The following PALLD variants were observed in gnomAD, a reference collection of about 807,000 sequenced individuals.
PALLD encodes the protein palladin, cytoskeletal associated protein, also known as palladin.
Under a neutral mutation model 123.5 loss-of-function variants are expected in PALLD, and 61 were observed. That is an observed-to-expected ratio of 0.49 (90% CI 0.40 to 0.61). The LOEUF (loss-of-function observed/expected upper bound fraction) is 0.61. Ranked by LOEUF, PALLD falls within the 20% of genes least tolerant of loss-of-function variation. PALLD has a pLI of 0.00. For synonymous variants in PALLD, 465 were observed against 496.4 expected, an observed-to-expected ratio of 0.94 and a Z score of 0.84; for missense variants, 1,273 against 1,377.0, an observed-to-expected ratio of 0.92 and a Z score of 1.20.
chr4:168,551,969 A>G (rs1163997583), intron 2 of PALLD, among the ~76,000 whole-genome samples: 1 of 152,188 alleles, frequency 6.6e-6, no homozygotes, highest in Non-Finnish European at 1.5e-5. Context: ...AGATAGAGGA[A>G]GCTCCCGTGA....
chr4:168,512,131 T>C lies in PALLD; in HGVS notation c.627T>C (p.Asn209=). The C allele has an allele frequency of 6.2e-7, 1 of 1,614,158 alleles. No individual in the cohort carries two copies. Residue 209 remains asparagine (N), a synonymous_variant, in exon 2 of 22, where the codon AAT becomes AAC. Transcript: ENST00000505667. ...SPDSGYLSPK[N]QPSALLSASA... ...ACAGTGGGTACCTGTCTCCTAAAAATCAGCCGTCAGCCCTGCTGAGTGCCT... is the reference window on the plus strand; with the variant it reads ...ACAGTGGGTACCTGTCTCCTAAAAACCAGCCGTCAGCCCTGCTGAGTGCCT...
At chr4:168,633,361 C>T (rs1177887595) in intron 2 of PALLD, among the ~76,000 whole-genome samples, 1 of 152,146 alleles carries the variant, frequency 6.6e-6, no homozygotes, top group Non-Finnish European at 1.5e-5. Context: ...TTACCCACCC[C>T]CAACTGAAAT....
intron 10 of PALLD, chr4:168,712,236 G>A: frequency 2.2e-6 from 1 of 459,436 alleles, no homozygotes; most frequent in East Asian, 3.9e-5. Flanking sequence ...TGGAAAAGGG[G>A]GATCTACTTT....
chr4:168,903,236 C>T lies in PALLD; in HGVS notation c.2473-521C>T, dbSNP rs1228471794. On this transcript the variant is annotated intron_variant, in intron 14 of 21. Transcript: ENST00000505667. ...ATTCCACCCATCACCAACCCTTAGT[C>T]ATCACCTCCCTCCCTACCAACCTCT... 2.6e-5 allele frequency among the ~76,000 whole-genome samples: 4 copies of T among 152,318 alleles called. No homozygotes were observed. In the East Asian group the frequency reaches 5.8e-4, roughly 22 times the overall value.
At chr4:168,753,509 G>A (rs1731350592) in intron 10 of PALLD, among the ~76,000 whole-genome samples, 1 of 152,040 alleles carries the variant, frequency 6.6e-6, no homozygotes, top group African/African-American at 2.4e-5. Context: ...TTGTCTCCTG[G>A]TATTCATGCT....
intron 2 of PALLD, among the ~76,000 whole-genome samples, chr4:168,563,658 G>T (rs1423542944): frequency 1.3e-5 from 2 of 152,130 alleles, no homozygotes; most frequent in Non-Finnish European, 2.9e-5. Flanking sequence ...TGAAAAAGTG[G>T]TAATGTTCCC....
intron 3 of PALLD, among the ~76,000 whole-genome samples, chr4:168,676,747 T>G (rs564278395): frequency 5.7e-4 from 86 of 151,328 alleles, no homozygotes; most frequent in Non-Finnish European, 1.1e-3. Context: ...TAATTTTTTT[T>G]TTTTTGTAGT....
At chr4:168,693,153 ATC>A (rs1782797697) in intron 8 of PALLD, among the ~76,000 whole-genome samples, 1 of 147,190 alleles carries the variant, frequency 6.8e-6, no homozygotes, top group Admixed American at 6.6e-5. Context: ...TCTGTTTCAC[ATC>A]TACCCTGCGC....
At chr4:168,676,571 T>C (rs1266572107) in intron 3 of PALLD, among the ~76,000 whole-genome samples, 1 of 149,278 alleles carries the variant, frequency 6.7e-6, no homozygotes, top group African/African-American at 2.4e-5. Flanking sequence ...GTATTAATTA[T>C]ATATATTTAA....
intron 2 of PALLD, among the ~76,000 whole-genome samples, chr4:168,640,199 T>A (rs907950395): frequency 2.0e-5 from 3 of 152,232 alleles, no homozygotes; most frequent in African/African-American, 4.8e-5. Flanking sequence ...GGCTGGACAC[T>A]GCTTAGCCTG....
chr4:168,711,773 C>T lies in PALLD; in HGVS notation c.1814C>T (p.Ala605Val). The T allele has an allele frequency of 6.2e-7, 1 of 1,614,146 alleles. No individual in the cohort carries two copies. Among genetic ancestry groups the T allele is most frequent in the Non-Finnish European group, 8.5e-7 (1 of 1,180,024 alleles). The change falls in exon 10 of 22, where the codon GCT becomes GTT. Residue 605 changes from alanine (A) to valine (V), a missense_variant. By Grantham distance (64) the Ala-to-Val change is moderately conservative. Around this residue, in one of 2 missense-constraint regions of PALLD, gnomAD observed 944 missense variants for 954.5 expected, o/e 0.99. Coordinates refer to ENST00000505667, the MANE Select transcript of PALLD (RefSeq NM_001166108.2). ...GCAGCCCTTCAAATGCAATTCAATG[C>T]TGCTGAGAGGGAAACGAACGGAGTC... The part of the protein sequence containing the change: ...SRAALQMQFN[A>V]AERETNGVHP...
chr4:168,911,328 A>G (rs540565656), intron 15 of PALLD, among the ~76,000 whole-genome samples: 1 of 152,336 alleles, frequency 6.6e-6, no homozygotes, highest in African/African-American at 2.4e-5. Flanking sequence ...TCTTTTTCTA[A>G]CCGCATAAAT....
In PALLD at chr4:168,902,058, ATAAT is replaced by A. The variant is rs746624544; in HGVS notation, c.2473-1697_2473-1694del. Among the ~76,000 whole-genome samples, 4 of 152,300 alleles carry A rather than the reference ATAAT, an allele frequency of 2.6e-5. No homozygotes were observed. In the East Asian group the frequency reaches 7.7e-4, roughly 29 times the overall value. On this transcript the variant is annotated intron_variant, in intron 14 of 21. Transcript: ENST00000505667. Reference sequence around the variant, plus strand: ...GAAAAGTTAGAGCAGTCATATCCTGATAATTCATCCATTTATTTAGTGCTATATA... The same window carrying A: ...GAAAAGTTAGAGCAGTCATATCCTGATCATCCATTTATTTAGTGCTATATA...
intron 2 of PALLD, among the ~76,000 whole-genome samples, chr4:168,528,640 G>A (rs1484384358): frequency 2.0e-5 from 3 of 152,110 alleles, no homozygotes; most frequent in African/African-American, 7.2e-5. Flanking sequence ...AAGACATAAC[G>A]TGACAGTAAT....
In PALLD at chr4:168,927,857, T is replaced by A. The variant is rs896808371; in HGVS notation, c.*1677T>A. ...AGTAGTATAAAACATGAGGCTTTAA[T>A]GGTACTTTGCTATGAAAAGAAAACA... On this transcript the variant is annotated 3_prime_UTR_variant, in exon 22 of 22. Coordinates refer to ENST00000505667, the MANE Select transcript of PALLD (RefSeq NM_001166108.2). 9 of 212,020 alleles carry A rather than the reference T, an allele frequency of 4.2e-5. No individual in the cohort carries two copies. The highest frequency in any genetic ancestry group is 2.0e-4 in the African/African-American group (9 of 44,248). 13.1% of individuals were successfully genotyped at this position (212,020 alleles called of 1,614,324 possible). A position where few individuals can be genotyped will look rare whatever the true frequency, so the allele number is the denominator to read the frequency against.
chr4:168,755,003 T>C lies in PALLD; in HGVS notation c.1964+43080T>C, dbSNP rs185339519. ...ATCCCAGCACTTCGGGAGGCTGAGGTGGGCGGATCATGAGGTCAGGAGATC... is the reference window on the plus strand; with the variant it reads ...ATCCCAGCACTTCGGGAGGCTGAGGCGGGCGGATCATGAGGTCAGGAGATC... On this transcript the variant is annotated intron_variant, in intron 10 of 21. Coordinates refer to ENST00000505667, the MANE Select transcript of PALLD (RefSeq NM_001166108.2). Among the ~76,000 whole-genome samples, 84 of 152,056 alleles carry C rather than the reference T, an allele frequency of 5.5e-4. No homozygotes were observed. In the East Asian group the frequency reaches 0.014, roughly 25 times the overall value.
In PALLD at chr4:168,903,836, G is replaced by T. The variant is rs1197603175; in HGVS notation, c.2552G>T (p.Cys851Phe). 9.9e-6 allele frequency: 16 copies of T among 1,612,586 alleles called. No homozygotes were observed. The highest frequency in any genetic ancestry group is 1.3e-5 in the Non-Finnish European group (15 of 1,178,794). Reference protein sequence around the residue: ...YTIQRDLDGTCSLHTTASTLD... With the variant: ...YTIQRDLDGTFSLHTTASTLD... ...ATTCAAAGAGATCTCGATGGGACCT[G>T]CTCCCTCCATACCACAGCCTCCACC... The change falls in exon 15 of 22, where the codon TGC becomes TTC. Residue 851 changes from cysteine (C) to phenylalanine (F), a missense_variant. Cys to Phe is a radical substitution (Grantham distance 205). Transcript: ENST00000505667.
chr4:168,695,850 TTA>T (rs1266250245), intron 8 of PALLD, among the ~76,000 whole-genome samples: 2 of 152,324 alleles, frequency 1.3e-5, no homozygotes, highest in Non-Finnish European at 2.9e-5. Context: ...TAACTATTAG[TTA>T]TGTCTTTTGG....
chr4:168,794,428 C>T lies in PALLD; in HGVS notation c.1964+82505C>T, dbSNP rs140919970. ...CACAACACACATGCGCACACGCATG[C>T]GCGCGCACACACATAGACATACGCG... On this transcript the variant is annotated intron_variant, in intron 10 of 21. Coordinates refer to ENST00000505667, the MANE Select transcript of PALLD (RefSeq NM_001166108.2). 8.8e-3 allele frequency among the ~76,000 whole-genome samples: 1,305 copies of T among 148,162 alleles called. 10 individuals are homozygous for T. Among genetic ancestry groups the T allele is most frequent in the Non-Finnish European group, 0.013 (841 of 66,756 alleles).
Sources: gnomAD v4.1 joint callset for allele counts (sites outside exome capture counted in the v4.1 genomes callset) on GRCh38, gnomAD v4.1.1 for gene constraint, gnomAD v4.1.1 regional missense constraint, MANE v1.5 for transcripts, NCBI Gene and HGNC (gene_info 2026-07-23, HGNC 2026-07-21) for gene names.